The following SLC38A3 variants were observed in gnomAD, a reference collection of about 807,000 sequenced individuals.
SLC38A3 encodes the protein solute carrier family 38 member 3.
Under a neutral mutation model 59.5 loss-of-function variants are expected in SLC38A3, and 17 were observed. That is an observed-to-expected ratio of 0.29 (90% confidence interval 0.20 to 0.43). The LOEUF is 0.43. SLC38A3 is among the 20% of genes least tolerant of loss of function. The pLI, the probability that SLC38A3 is intolerant of heterozygous loss-of-function variation, is 1.00. For synonymous variants in SLC38A3, 238 were observed against 260.3 expected (o/e 0.91, Z 0.82); for missense variants, 454 against 653.9 (o/e 0.69, Z 3.33).
intron 14 of SLC38A3, 54 bp from the exon 15 acceptor site, chr3:50,219,827 C>T: frequency 6.8e-7 from 1 of 1,460,104 alleles, no homozygotes; most frequent in Non-Finnish European, 9.4e-7. Flanking sequence ...CACCCCCGAA[C>T]CTTAGTCAGT....
Position 50,215,211 on chromosome 3 carries a change from G to C in SLC38A3, c.300-175G>C, listed in dbSNP as rs956396246. On this transcript the variant is annotated intron_variant, in intron 4 of 15. Transcript: ENST00000614032. The surrounding 1 kb of genome is among the most constrained non-coding windows in gnomAD (Gnocchi z 7.1). ...GGGTGTGTCGCACCCTGGATCAAAG[G>C]GGGTGGTGTTCATCACCCCTGGGGC... The C allele has an allele frequency of 1.4e-5, 9 of 621,038 alleles. No individual in the cohort carries two copies. Among genetic ancestry groups the C allele is most frequent in the South Asian group, 9.6e-5 (5 of 51,936 alleles). The allele number at this position is 621,038 out of a possible 1,614,324, so 38.5% of individuals were successfully genotyped here. A position where few individuals can be genotyped will look rare whatever the true frequency, so the allele number is the denominator to read the frequency against.
chr3:50,218,309 C>A lies in SLC38A3; in HGVS notation c.975C>A (p.Ser325=). The change falls in exon 12 of 16, where the codon TCC becomes TCA. Residue 325 remains serine (S), a synonymous_variant. Transcript: ENST00000614032. The surrounding 1 kb of genome is among the most constrained non-coding windows in gnomAD (Gnocchi z 5.8). ...KKKMQHISNL[S]IAVMYIMYFL... is the part of the protein sequence containing the mutation. Reference sequence around the variant, plus strand: ...AGATGCAGCACATCTCCAACCTGTCCATCGCTGTCATGTACATCATGTACT... The same window carrying A: ...AGATGCAGCACATCTCCAACCTGTCAATCGCTGTCATGTACATCATGTACT... 6.2e-7 allele frequency: 1 copy of A among 1,613,656 alleles called. No homozygotes were observed. Among genetic ancestry groups the A allele is most frequent in the South Asian group, 1.1e-5 (1 of 91,068 alleles).
Position 50,217,384 on chromosome 3 carries a change from C to T in SLC38A3, c.632-31C>T, listed in dbSNP as rs979764984. ...GAGGCATACACCATGGGAGGGGCCC[C>T]AGGTCTCAGAGTGCTCCCTCCACTT... On this transcript the variant is annotated intron_variant, in intron 8 of 15. Coordinates refer to ENST00000614032, the MANE Select transcript of SLC38A3 (RefSeq NM_006841.6). The surrounding 1 kb of genome is among the most constrained non-coding windows in gnomAD (Gnocchi z 4.9). 8 of 1,611,936 alleles carry T rather than the reference C, an allele frequency of 5.0e-6. No individual in the cohort carries two copies. In the African/African-American group the frequency reaches 9.3e-5, roughly 19 times the overall value.
chr3:50,217,266 G>T lies in SLC38A3; in HGVS notation c.577G>T (p.Val193Leu). ...CTGGTACATGAACGGGAACTACCTG[G>T]TAATCCTTGTCTCTGTCACCATCAT... The part of the protein sequence containing the change: ...SDWYMNGNYL[V>L]ILVSVTIILP... Residue 193 changes from valine (V) to leucine (L), a missense_variant, in exon 8 of 16, where the codon GTA becomes TTA. This residue lies in a region of SLC38A3 where 390 missense variants were observed against 557.9 expected (regional missense o/e 0.70). Transcript: ENST00000614032. The surrounding 1 kb of genome is among the most constrained non-coding windows in gnomAD (Gnocchi z 4.9). 1 of 1,613,568 alleles carries T rather than the reference G, an allele frequency of 6.2e-7. No homozygotes were observed. The highest frequency in any genetic ancestry group is 8.5e-7 in the Non-Finnish European group (1 of 1,179,718).
Position 50,217,889 on chromosome 3 carries a change from G to A in SLC38A3, c.856-28G>A, listed in dbSNP as rs914198137. 6.2e-7 allele frequency: 1 copy of A among 1,614,026 alleles called. No homozygotes were observed. The highest frequency in any genetic ancestry group is 1.3e-5 in the African/African-American group (1 of 75,054). The stretch of plus-strand genomic sequence containing the variant: ...GGGGGCCCAATGAGAGTGGCAGACT[G>A]CCTTGACACAGCCCCGTGTTTCCCC... On this transcript the variant is annotated intron_variant, in intron 10 of 15. Coordinates refer to ENST00000614032, the MANE Select transcript of SLC38A3 (RefSeq NM_006841.6). The surrounding 1 kb of genome is among the most constrained non-coding windows in gnomAD (Gnocchi z 4.9).
chr3:50,215,054 G>A lies in SLC38A3; in HGVS notation c.299+286G>A. On this transcript the variant is annotated intron_variant, in intron 4 of 15. Coordinates refer to ENST00000614032, the MANE Select transcript of SLC38A3 (RefSeq NM_006841.6). This position sits in a 1 kb window ranked among gnomAD's most constrained non-coding sequence, Gnocchi z 7.1. ...AGCCCCACGGCCAGGCCTTGTGTGG[G>A]CACACGTGTCCTTTGGCTGGGGGCT... 1 of 573,710 alleles carries A rather than the reference G, an allele frequency of 1.7e-6. No individual in the cohort carries two copies. Among genetic ancestry groups the A allele is most frequent in the Non-Finnish European group, 3.1e-6 (1 of 321,788 alleles). 35.5% of individuals were successfully genotyped at this position (573,710 alleles called of 1,614,324 possible).
In SLC38A3 at chr3:50,220,622, C is replaced by T. The variant is rs1699883579; in HGVS notation, c.*445C>T. On this transcript the variant is annotated 3_prime_UTR_variant, in exon 16 of 16. Coordinates refer to ENST00000614032, the MANE Select transcript of SLC38A3 (RefSeq NM_006841.6). Reference sequence around the variant, plus strand: ...TCTCCCCCAGCCCACTTGTTTTCCCCCCTTTTATTCCCTAGGCCCTTTTCA... The same window carrying T: ...TCTCCCCCAGCCCACTTGTTTTCCCTCCTTTTATTCCCTAGGCCCTTTTCA... 1 of 203,146 alleles carries T rather than the reference C, an allele frequency of 4.9e-6. No homozygotes were observed. The highest frequency in any genetic ancestry group is 5.2e-5 in the Admixed American group (1 of 19,058). 12.6% of individuals were successfully genotyped at this position (203,146 alleles called of 1,614,324 possible).
At position 50,214,518 on chromosome 3, in the gene SLC38A3, G is replaced by T; in HGVS notation, c.183+35G>T. On this transcript the variant is annotated intron_variant, in intron 3 of 15. Transcript: ENST00000614032. This position sits in a 1 kb window ranked among gnomAD's most constrained non-coding sequence, Gnocchi z 6.0. ...GCAGCAACGGGTTTTAGGGGACACTGTGGGGAGCTTGGATGCAGTAATGAG... is the reference window on the plus strand; with the variant it reads ...GCAGCAACGGGTTTTAGGGGACACTTTGGGGAGCTTGGATGCAGTAATGAG... The T allele has an allele frequency of 6.5e-7, 1 of 1,539,132 alleles. No individual in the cohort carries two copies.
rs774503209 is a variant in SLC38A3 at position 50,219,948 on chromosome 3, G to A, written c.1374G>A (p.Thr458=). The A allele has an allele frequency of 9.3e-6, 15 of 1,613,064 alleles. No homozygotes were observed. The highest frequency in any genetic ancestry group is 4.5e-5 in the East Asian group (2 of 44,874). Residue 458 remains threonine, a synonymous_variant, in exon 15 of 16, where the codon ACG becomes ACA. Coordinates refer to ENST00000614032, the MANE Select transcript of SLC38A3 (RefSeq NM_006841.6). ...TCTTCTACTTCCGAATCATGCCCAC[G>A]GAGAAGGAGCCTGCAAGATCCACCC... is the stretch of plus-strand genomic sequence containing the variant. ...PAIFYFRIMP[T]EKEPARSTPK...
chr3:50,217,342 C>T lies in SLC38A3; in HGVS notation c.631+22C>T. 6.2e-7 allele frequency: 1 copy of T among 1,611,936 alleles called. No individual in the cohort carries two copies. Among genetic ancestry groups the T allele is most frequent in the East Asian group, 2.2e-5 (1 of 44,852 alleles). On this transcript the variant is annotated intron_variant, in intron 8 of 15. Coordinates refer to ENST00000614032, the MANE Select transcript of SLC38A3 (RefSeq NM_006841.6). This position sits in a 1 kb window ranked among gnomAD's most constrained non-coding sequence, Gnocchi z 4.9. The stretch of plus-strand genomic sequence containing the variant: ...CTTGGTGAGTGTGGAAGGGTCAGAG[C>T]CTTGGAGGGGATGTTGGAGGCATAC...
intron 1 of SLC38A3, among the ~76,000 whole-genome samples, chr3:50,211,888 C>T (rs1469044266): frequency 6.6e-6 from 1 of 152,110 alleles, no homozygotes; most frequent in African/African-American, 2.4e-5. Context: ...GCGCCCGGCA[C>T]CCCCATCCTC....
rs370487061 is a variant in SLC38A3 at position 50,215,723 on chromosome 3, C to T, written c.467-17C>T. 1.1e-4 allele frequency: 178 copies of T among 1,603,684 alleles called. 2 individuals carry two copies. The East Asian group carries it at 1.1e-3, about 10-fold the overall frequency. ...GGGCTGACCTCAGCGCCTGCCTGCC[C>T]GCCCCTCTCCCCACAGCCATGTCCA... On this transcript the variant is annotated splice_polypyrimidine_tract_variant and intron_variant, in intron 6 of 15. Transcript: ENST00000614032. This position sits in a 1 kb window ranked among gnomAD's most constrained non-coding sequence, Gnocchi z 7.1.
Position 50,214,399 on chromosome 3 carries a change from C to T in SLC38A3, c.102-3C>T. 1 of 1,592,904 alleles carries T rather than the reference C, an allele frequency of 6.3e-7. No individual in the cohort carries two copies. Among genetic ancestry groups the T allele is most frequent in the Middle Eastern group, 1.7e-4 (1 of 6,048 alleles). On this transcript the variant is annotated splice_polypyrimidine_tract_variant and splice_region_variant and intron_variant, in intron 2 of 15. Transcript: ENST00000614032. The surrounding 1 kb of genome is among the most constrained non-coding windows in gnomAD (Gnocchi z 6.0). The stretch of plus-strand genomic sequence containing the variant: ...AGCCACCCACCCTGACCTGTGCCTA[C>T]AGGGTCGAGGACCCTGCACGGAGCT...
chr3:50,215,857 C>G lies in SLC38A3; in HGVS notation c.548+36C>G. The G allele has an allele frequency of 1.1e-5, 3 of 283,418 alleles. No homozygotes were observed. The highest frequency in any genetic ancestry group is 1.6e-5 in the Non-Finnish European group (3 of 183,568). 17.6% of individuals were successfully genotyped at this position (283,418 alleles called of 1,614,324 possible). A position where few individuals can be genotyped will look rare whatever the true frequency, so the allele number is the denominator to read the frequency against. ...GCGTGGGGAGGGGAGGGGAGGGGTG[C>G]GGTGCAGTGAGGAGGGGTGGGGTGG... On this transcript the variant is annotated intron_variant, in intron 7 of 15. Transcript: ENST00000614032. The surrounding 1 kb of genome is among the most constrained non-coding windows in gnomAD (Gnocchi z 7.1).
At position 50,215,724 on chromosome 3, in the gene SLC38A3, G is replaced by A. The variant is rs774432013; in HGVS notation, c.467-16G>A. 6.2e-6 allele frequency: 10 copies of A among 1,603,982 alleles called. No homozygotes were observed. Among genetic ancestry groups the A allele is most frequent in the Middle Eastern group, 1.6e-4 (1 of 6,080 alleles). ...GGCTGACCTCAGCGCCTGCCTGCCC[G>A]CCCCTCTCCCCACAGCCATGTCCAG... On this transcript the variant is annotated splice_polypyrimidine_tract_variant and intron_variant, in intron 6 of 15. Coordinates refer to ENST00000614032, the MANE Select transcript of SLC38A3 (RefSeq NM_006841.6). This position sits in a 1 kb window ranked among gnomAD's most constrained non-coding sequence, Gnocchi z 7.1.
rs934880786 is a variant in SLC38A3, at chr3:50,214,498, A to G, written c.183+15A>G. 6.4e-7 allele frequency: 1 copy of G among 1,557,190 alleles called. No homozygotes were observed. The highest frequency in any genetic ancestry group is 8.7e-7 in the Non-Finnish European group (1 of 1,149,932). On this transcript the variant is annotated intron_variant, in intron 3 of 15. Coordinates refer to ENST00000614032, the MANE Select transcript of SLC38A3 (RefSeq NM_006841.6). This position sits in a 1 kb window ranked among gnomAD's most constrained non-coding sequence, Gnocchi z 6.0. ...ACTTCACTGACGTGAGCAGGGCAGC[A>G]ACGGGTTTTAGGGGACACTGTGGGG...
In SLC38A3 at chr3:50,218,325, A is replaced by C. The variant is rs770861431; in HGVS notation, c.991A>C (p.Ile331Leu). ...CAACCTGTCCATCGCTGTCATGTACATCATGTACTTCCTGGCTGCCCTCTT... is the reference window on the plus strand; with the variant it reads ...CAACCTGTCCATCGCTGTCATGTACCTCATGTACTTCCTGGCTGCCCTCTT... ...ISNLSIAVMY[I>L]MYFLAALFGY... The change falls in exon 12 of 16, where the codon ATC becomes CTC. Residue 331 changes from isoleucine (I) to leucine (L), a missense_variant. Ile to Leu is a conservative substitution (Grantham distance 5, BLOSUM62 2). Around this residue, in one of 3 missense-constraint regions of SLC38A3, gnomAD observed 390 missense variants for 557.9 expected, o/e 0.70. Coordinates refer to ENST00000614032, the MANE Select transcript of SLC38A3 (RefSeq NM_006841.6). This position sits in a 1 kb window ranked among gnomAD's most constrained non-coding sequence, Gnocchi z 5.8. 12 of 1,613,592 alleles carry C rather than the reference A, an allele frequency of 7.4e-6. No individual in the cohort carries two copies. The African/African-American group carries it at 1.3e-4, about 18-fold the overall frequency.
rs1310779874 is a variant in SLC38A3 at position 50,220,387 on chromosome 3, T to C, written c.*210T>C. ...CCACTACCCTGCTAGGCTCTGGAGCTGTAGAGGCTTCCTGAACTGGGAGCA... is the reference window on the plus strand; with the variant it reads ...CCACTACCCTGCTAGGCTCTGGAGCCGTAGAGGCTTCCTGAACTGGGAGCA... On this transcript the variant is annotated 3_prime_UTR_variant, in exon 16 of 16. Coordinates refer to ENST00000614032, the MANE Select transcript of SLC38A3 (RefSeq NM_006841.6). 2.4e-5 allele frequency: 14 copies of C among 573,104 alleles called. No individual in the cohort carries two copies. The highest frequency in any genetic ancestry group is 4.4e-5 in the Non-Finnish European group (14 of 320,348). 35.5% of individuals were successfully genotyped at this position (573,104 alleles called of 1,614,324 possible).
rs1387945578 is a variant in SLC38A3 at position 50,214,035 on chromosome 3, G to A, written c.-51-114G>A. 28 of 632,668 alleles carry A rather than the reference G, an allele frequency of 4.4e-5. No homozygotes were observed. In the Admixed American group the frequency reaches 7.6e-4, roughly 17 times the overall value. The allele number at this position is 632,668 out of a possible 1,614,324, so 39.2% of individuals were successfully genotyped here. A position where few individuals can be genotyped will look rare whatever the true frequency, so the allele number is the denominator to read the frequency against. The stretch of plus-strand genomic sequence containing the variant: ...AGGCAGTAGGCAGAGCTGCATGTGT[G>A]GATATGCCCCGAGTGACCATCTGGG... On this transcript the variant is annotated intron_variant, in intron 1 of 15. Transcript: ENST00000614032. The surrounding 1 kb of genome is among the most constrained non-coding windows in gnomAD (Gnocchi z 6.0).
Sources: allele counts gnomAD v4.1 joint callset (sites outside exome capture counted in the v4.1 genomes callset), GRCh38; gene constraint gnomAD v4.1.1; regional missense constraint gnomAD v4.1.1; non-coding constraint Gnocchi (gnomAD v3.1); transcripts MANE v1.5; gene names NCBI Gene and HGNC (gene_info 2026-07-23, HGNC 2026-07-21).